SGCZ: variants seen among roughly 807,000 people sequenced by gnomAD.
The protein encoded by SGCZ is zeta-sarcoglycan.
In SGCZ, 40 loss-of-function variants were observed where a neutral mutation model predicts 41.3. The ratio of observed to expected loss-of-function variants is 0.97; its 90% CI spans 0.75 to 1.26. The LOEUF is 1.26. Among genes scored for constraint, SGCZ ranks in the 50% most tolerant of loss-of-function variants. The pLI is 0.00. For missense variants in SGCZ, 552 were observed against 369.8 expected (o/e 1.49, Z -4.04); for synonymous variants, 206 against 137.5 (o/e 1.50, Z -3.49).
At chr8:15,034,824 C>G (rs1002906354) in intron 1 of SGCZ, among the ~76,000 whole-genome samples, 2 of 152,060 alleles carry the variant, frequency 1.3e-5, no homozygotes, top group Non-Finnish European at 2.9e-5. Flanking sequence ...AGCTAAAGGA[C>G]AAAACTGTCA....
intron 1 of SGCZ, among the ~76,000 whole-genome samples, chr8:14,809,983 A>C (rs1801690838): frequency 6.6e-6 from 1 of 152,110 alleles, no homozygotes; most frequent in South Asian, 2.1e-4. Flanking sequence ...AAGAAACTCA[A>C]GCTGGCATAT....
intron 1 of SGCZ, among the ~76,000 whole-genome samples, chr8:15,006,764 T>C (rs961995264): frequency 6.6e-6 from 1 of 152,184 alleles, no homozygotes; most frequent in African/African-American, 2.4e-5. Flanking sequence ...GATATATTCA[T>C]AGATGAGTTG....
intron 1 of SGCZ, among the ~76,000 whole-genome samples, chr8:14,578,907 T>C (rs545630633): frequency 2.6e-5 from 4 of 152,302 alleles, no homozygotes; most frequent in Admixed American, 2.6e-4. Flanking sequence ...ATCTATGTTT[T>C]TGTATGGATC....
At chr8:14,619,650 GACAA>G (rs1233591230) in intron 1 of SGCZ, among the ~76,000 whole-genome samples, 2 of 152,110 alleles carry the variant, frequency 1.3e-5, no homozygotes. Context: ...ACCAAGAGCA[GACAA>G]ACAGAGAACC....
chr8:14,362,038 C>G (rs1459451026), intron 2 of SGCZ, among the ~76,000 whole-genome samples: 2 of 152,280 alleles, frequency 1.3e-5, no homozygotes, highest in East Asian at 1.9e-4. Flanking sequence ...ATATTGCTGC[C>G]TGATCCTTCC....
intron 1 of SGCZ, among the ~76,000 whole-genome samples, chr8:14,605,218 G>A (rs60244143): frequency 1.5e-3 from 224 of 152,032 alleles, no homozygotes; most frequent in African/African-American, 5.1e-3. Context: ...TAAAAATTAC[G>A]TCTAGTACAT....
chr8:14,497,715 C>T (rs13251062), intron 2 of SGCZ, among the ~76,000 whole-genome samples: 32,700 of 151,814 alleles, frequency 0.22, 3,556 homozygotes, highest in South Asian at 0.25. Context: ...TGTGCTAAAC[C>T]GTTCATAAGG....
chr8:14,321,952 T>G (rs1801930377), intron 3 of SGCZ, among the ~76,000 whole-genome samples: 1 of 152,150 alleles, frequency 6.6e-6, no homozygotes. Context: ...AAACTAAGGC[T>G]AAGAGAAATT....
At chr8:14,546,380 G>C (rs759916737) in intron 2 of SGCZ, among the ~76,000 whole-genome samples, 3 of 152,174 alleles carry the variant, frequency 2.0e-5, no homozygotes, top group Non-Finnish European at 4.4e-5. Flanking sequence ...TCTTATCGTG[G>C]ACAATGAGTT....
At chr8:14,674,210 T>G (rs1015370756) in intron 1 of SGCZ, among the ~76,000 whole-genome samples, 1 of 152,164 alleles carries the variant, frequency 6.6e-6, no homozygotes, top group Non-Finnish European at 1.5e-5. Flanking sequence ...TTTCTTGTTT[T>G]TTTTTCTAAA....
chr8:14,347,643 C>T (rs896064953), intron 2 of SGCZ, among the ~76,000 whole-genome samples: 1 of 150,894 alleles, frequency 6.6e-6, no homozygotes, highest in African/African-American at 2.4e-5. Context: ...TACATATACA[C>T]ATAGGTAAAT....
chr8:15,016,306 C>T (rs906606848), intron 1 of SGCZ, among the ~76,000 whole-genome samples: 1 of 152,174 alleles, frequency 6.6e-6, no homozygotes, highest in African/African-American at 2.4e-5. Context: ...AGAGCAGATC[C>T]TGCTAATGGA....
chr8:14,617,577 G>T (rs922201497), intron 1 of SGCZ, among the ~76,000 whole-genome samples: 1 of 152,110 alleles, frequency 6.6e-6, no homozygotes, highest in Admixed American at 6.6e-5. Flanking sequence ...TCTAAGCTTT[G>T]CACAGTCCTA....
chr8:14,919,366 G>A (rs1437512994), intron 1 of SGCZ, among the ~76,000 whole-genome samples: 1 of 152,054 alleles, frequency 6.6e-6, no homozygotes, highest in East Asian at 2.0e-4. Flanking sequence ...GCTAGAACCC[G>A]GGAGGCGGAG....
intron 1 of SGCZ, among the ~76,000 whole-genome samples, chr8:14,843,064 T>C (rs1281907593): frequency 6.6e-6 from 1 of 152,118 alleles, no homozygotes; most frequent in Non-Finnish European, 1.5e-5. Flanking sequence ...ATACAAAAAT[T>C]AGCTGGGTGT....
chr8:14,647,241 T>A (rs1209049816), intron 1 of SGCZ, among the ~76,000 whole-genome samples: 1 of 152,040 alleles, frequency 6.6e-6, no homozygotes, highest in Admixed American at 6.6e-5. Flanking sequence ...ACCACACTCC[T>A]TCAGCATTTA....
chr8:14,371,217 AG>A (rs1275268506), intron 2 of SGCZ, among the ~76,000 whole-genome samples: 4 of 151,998 alleles, frequency 2.6e-5, no homozygotes, highest in Admixed American at 1.3e-4. Context: ...TGTCCAAAAA[AG>A]CTTATAATTT....
intron 1 of SGCZ, among the ~76,000 whole-genome samples, chr8:15,210,987 T>C (rs2117159342): frequency 6.6e-6 from 1 of 151,664 alleles, no homozygotes; most frequent in Non-Finnish European, 1.5e-5. Flanking sequence ...AATTTTCCCC[T>C]GCAACACCCA....
intron 1 of SGCZ, among the ~76,000 whole-genome samples, chr8:14,831,789 T>TGTGTACACATACATGTATATAC (rs1554508421): frequency 6.5e-5 from 2 of 30,920 alleles, no homozygotes; most frequent in Non-Finnish European, 1.8e-4. Context: ...CGTATATATG[T>TGTGTACACATACATGTATATAC]GTGTACACAT....
Sources: allele counts gnomAD v4.1 joint callset (sites outside exome capture counted in the v4.1 genomes callset), GRCh38; gene constraint gnomAD v4.1.1; transcripts MANE v1.5; gene names NCBI Gene and HGNC (gene_info 2026-07-23, HGNC 2026-07-21).